KNL1: variants seen among roughly 807,000 people sequenced by gnomAD.
KNL1 encodes outer kinetochore KNL1 complex subunit KNL1.
A neutral mutation model predicts 201.3 loss-of-function variants in KNL1; 66 were observed. The observed-to-expected ratio is 0.33, with a 90% CI of 0.27 to 0.40. KNL1 has a LOEUF of 0.40. Among genes scored for constraint, KNL1 ranks in the 10% least tolerant of loss-of-function variants. The probability of loss-of-function intolerance (pLI) is 1.00; values close to 1 mark genes in which losing one functional copy is unlikely to be tolerated. For synonymous variants in KNL1, 895 were observed against 899.2 expected, an observed-to-expected ratio of 1.00 and a Z score of 0.08; for missense variants, 2,815 against 2,690.5, an observed-to-expected ratio of 1.05 and a Z score of -1.02.
rs1383000424 is a variant in KNL1, at chr15:40,621,508, C to G, written c.1244C>G (p.Ser415Cys). The G allele has an allele frequency of 6.2e-7, 1 of 1,613,772 alleles. No individual in the cohort carries two copies. The highest frequency in any genetic ancestry group is 1.7e-5 in the Admixed American group (1 of 60,000). ...DARILAMTPE[S>C]IYSNPSIQGC... ...AGAATATTAGCCATGACCCCAGAAT[C>G]TATATATTCTAATCCATCTATTCAA... Residue 415 changes from serine to cysteine, a missense_variant, in exon 10 of 26, where the codon TCT becomes TGT. Around this residue, in one of 3 missense-constraint regions of KNL1, gnomAD observed 2,464 missense variants for 2,291.7 expected, o/e 1.08. Coordinates refer to ENST00000399668, the MANE Select transcript of KNL1 (RefSeq NM_144508.5).
chr15:40,639,036 G>A (rs1039371746), intron 13 of KNL1, among the ~76,000 whole-genome samples: 9 of 151,558 alleles, frequency 5.9e-5, no homozygotes, highest in Non-Finnish European at 1.2e-4. Flanking sequence ...CAGGTGATCC[G>A]CCTGCCCTGG....
chr15:40,650,239 A>G, intron 17 of KNL1, 62 bp from the exon 18 acceptor site: 1 of 1,033,526 alleles, frequency 9.7e-7, no homozygotes, highest in South Asian at 1.5e-5. Context: ...TTTTTTCCTT[A>G]CTTTGTTTTC....
chr15:40,633,655 C>T (rs2141737239), intron 13 of KNL1, among the ~76,000 whole-genome samples: 1 of 152,168 alleles, frequency 6.6e-6, no homozygotes, highest in African/African-American at 2.4e-5. Context: ...ATTCTCTTGC[C>T]TCAGCCTCCC....
chr15:40,640,098 C>CTTTTTTTTTTTTTTTTTTTTTCT (rs544723388), intron 13 of KNL1, among the ~76,000 whole-genome samples: 1 of 124,506 alleles, frequency 8.0e-6, no homozygotes, highest in African/African-American at 3.0e-5. Flanking sequence ...TTTTTCTTTT[C>CTTTTTTTTTTTTTTTTTTTTTCT]TTTTTTTTTT....
intron 20 of KNL1, 74 bp from the exon 21 acceptor site, chr15:40,651,931 T>G (rs1266084057): frequency 1.1e-6 from 1 of 921,314 alleles, no homozygotes; most frequent in African/African-American, 1.6e-5. Context: ...TGGTACTGTT[T>G]GGGTGGTATC....
chr15:40,595,380 G>C (rs1269680979), intron 1 of KNL1, among the ~76,000 whole-genome samples: 1 of 152,262 alleles, frequency 6.6e-6, no homozygotes, highest in African/African-American at 2.4e-5. Context: ...TGATGGATTT[G>C]TGGAGAAGAC....
chr15:40,651,571 A>C lies in KNL1; in HGVS notation c.6313A>C (p.Ser2105Arg), dbSNP rs757222348. The C allele has an allele frequency of 6.3e-7, 1 of 1,590,874 alleles. No individual in the cohort carries two copies. The stretch of plus-strand genomic sequence containing the variant: ...AACTGAAGAGCTACTGGATCAGTTG[A>C]GGTAAGGAAATGCAGGCATCATTTG... ...NRTEELLDQL[S>R]LSEWDVVEWS... Residue 2105 changes from serine to arginine, a missense_variant and splice_region_variant, in exon 20 of 26, where the codon AGC becomes CGC. Ser to Arg is a moderately radical substitution (Grantham distance 110). This residue lies in a region of KNL1 where 334 missense variants were observed against 362.6 expected (regional missense o/e 0.92). Coordinates refer to ENST00000399668, the MANE Select transcript of KNL1 (RefSeq NM_144508.5).
chr15:40,601,867 T>G (rs1891805713), intron 1 of KNL1, among the ~76,000 whole-genome samples: 1 of 113,646 alleles, frequency 8.8e-6, no homozygotes, highest in Admixed American at 7.9e-5. Context: ...ATCTTTTTTT[T>G]TTTTTTTTTT....
rs1447558621 is a variant in KNL1 at position 40,622,897 on chromosome 15, A to G, written c.2633A>G (p.Tyr878Cys). 1.9e-6 allele frequency: 3 copies of G among 1,612,564 alleles called. No homozygotes were observed. Among genetic ancestry groups the G allele is most frequent in the African/African-American group, 2.7e-5 (2 of 74,792 alleles). The stretch of plus-strand genomic sequence containing the variant: ...AATGATATGGATATCACTAAGAGTT[A>G]TACAATAGAAATAAACCATAGACCT... ...DKNDMDITKSYTIEINHRPLL... is the reference protein window; with the variant it reads ...DKNDMDITKSCTIEINHRPLL... Residue 878 changes from tyrosine to cysteine, a missense_variant, in exon 10 of 26, where the codon TAT (tyrosine) becomes TGT (cysteine). Physicochemically the swap from Tyr to Cys is radical, Grantham distance 194. Around this residue, in one of 3 missense-constraint regions of KNL1, gnomAD observed 2,464 missense variants for 2,291.7 expected, o/e 1.08. Coordinates refer to ENST00000399668, the MANE Select transcript of KNL1 (RefSeq NM_144508.5).
intron 25 of KNL1, among the ~76,000 whole-genome samples, chr15:40,660,671 A>G (rs1893882856): frequency 6.6e-6 from 1 of 151,484 alleles, no homozygotes; most frequent in Admixed American, 6.6e-5. Flanking sequence ...TCTCAAAAAA[A>G]AAAAAAAAAA....
At chr15:40,597,375 C>T (rs901104003) in intron 1 of KNL1, among the ~76,000 whole-genome samples, 1 of 152,184 alleles carries the variant, frequency 6.6e-6, no homozygotes, top group Non-Finnish European at 1.5e-5. Flanking sequence ...CTGCTTCAGC[C>T]TCCCAAGTAC....
rs925051624 is a variant in KNL1 at position 40,659,213 on chromosome 15, C to T, written c.6714-126C>T. 5.3e-5 allele frequency: 35 copies of T among 654,270 alleles called. No individual in the cohort carries two copies. In the African/African-American group the frequency reaches 5.7e-4, roughly 11 times the overall value. 40.5% of individuals were successfully genotyped at this position (654,270 alleles called of 1,614,324 possible). On this transcript the variant is annotated intron_variant, in intron 24 of 25. Transcript: ENST00000399668. Reference sequence around the variant, plus strand: ...TTGGGAGGTGGAGGTTGCAGTGAGCCGAAATTGTGCACTGCACTCCAGCCT... The same window carrying T: ...TTGGGAGGTGGAGGTTGCAGTGAGCTGAAATTGTGCACTGCACTCCAGCCT...
intron 7 of KNL1, among the ~76,000 whole-genome samples, chr15:40,611,760 G>GT (rs1214611104): frequency 1.3e-5 from 2 of 151,802 alleles, no homozygotes; most frequent in African/African-American, 2.4e-5. Flanking sequence ...CAAGTCTTTA[G>GT]TTTTTTTATT....
chr15:40,625,759 C>G, intron 10 of KNL1, 119 bp downstream of exon 10: 1 of 720,196 alleles, frequency 1.4e-6, no homozygotes, highest in Non-Finnish European at 2.3e-6. Context: ...ATAATTATTT[C>G]CACTTAGAGG....
In KNL1 at chr15:40,629,495, C is replaced by CTT. The variant is rs386382806; in HGVS notation, c.5682+149_5682+150dup. 513 of 178,482 alleles carry CTT rather than the reference C, an allele frequency of 2.9e-3. 11 individuals are homozygous for CTT. Among genetic ancestry groups the CTT allele is most frequent in the East Asian group, 6.3e-3 (21 of 3,326 alleles). 11.1% of individuals were successfully genotyped at this position (178,482 alleles called of 1,614,324 possible). ...TCTTTTTTTTTTTTTTTTGCCTTTT[C>CTT]TTTTTTTTTTTTTTTTTTTTTTTTT... On this transcript the variant is annotated intron_variant, in intron 13 of 25. Transcript: ENST00000399668.
At position 40,595,177 on chromosome 15, in the gene KNL1, T is replaced by C. The variant is rs117679576; in HGVS notation, c.-18+785T>C. On this transcript the variant is annotated intron_variant, in intron 1 of 25. Coordinates refer to ENST00000399668, the MANE Select transcript of KNL1 (RefSeq NM_144508.5). Reference sequence around the variant, plus strand: ...TGATGTTTTCACTTCCGTCGAATCCTGTAGATATTTATTGGGTTCCTTATC... The same window carrying C: ...TGATGTTTTCACTTCCGTCGAATCCCGTAGATATTTATTGGGTTCCTTATC... Among the ~76,000 whole-genome samples, 3 of 152,370 alleles carry C rather than the reference T, an allele frequency of 2.0e-5. No individual in the cohort carries two copies. The East Asian group carries it at 5.8e-4, about 29-fold the overall frequency.
intron 17 of KNL1, 65 bp downstream of exon 17, chr15:40,647,139 G>C: frequency 1.3e-6 from 1 of 798,854 alleles, no homozygotes; most frequent in Non-Finnish European, 2.2e-6. Context: ...TCCTACAGTA[G>C]AGAATGTTGG....
intron 19 of KNL1, 145 bp downstream of exon 19, chr15:40,650,728 TAG>T: frequency 1.5e-6 from 1 of 653,708 alleles, no homozygotes; most frequent in Non-Finnish European, 2.5e-6. Flanking sequence ...AATGGAAACC[TAG>T]AGTCCATCTT....
chr15:40,606,733 G>A (rs944436982), intron 4 of KNL1, among the ~76,000 whole-genome samples: 1 of 152,130 alleles, frequency 6.6e-6, no homozygotes, highest in African/African-American at 2.4e-5. Flanking sequence ...TGAGTAGCTG[G>A]GACTACGGCA....
Sources: allele counts gnomAD v4.1 joint callset (sites outside exome capture counted in the v4.1 genomes callset), GRCh38; gene constraint gnomAD v4.1.1; regional missense constraint gnomAD v4.1.1; transcripts MANE v1.5; gene names NCBI Gene and HGNC (gene_info 2026-07-23, HGNC 2026-07-21).